AGBL1: variants seen among roughly 807,000 people sequenced by gnomAD.
AGBL1 encodes cytosolic carboxypeptidase 4.
Under a neutral mutation model 118.9 loss-of-function variants are expected in AGBL1, and 130 were observed. The ratio of observed to expected loss-of-function variants is 1.09; its 90% confidence interval spans 0.95 to 1.26. The LOEUF is 1.26. AGBL1 is among the 50% of genes most tolerant of loss of function. The pLI, the probability that AGBL1 is intolerant of heterozygous loss-of-function variation, is 0.00. For synonymous variants in AGBL1, 555 were observed against 478.9 expected, an observed-to-expected ratio of 1.16 and a Z score of -2.08; for missense variants, 1,584 against 1,298.1, an observed-to-expected ratio of 1.22 and a Z score of -3.38.
intron 22 of AGBL1, among the ~76,000 whole-genome samples, chr15:86,678,662 A>G (rs555017191): frequency 6.8e-4 from 104 of 152,100 alleles, no homozygotes; most frequent in African/African-American, 2.3e-3. Context: ...ATGTTTATCA[A>G]TTCTTTTCTT....
At chr15:86,307,019 T>C (rs2079852012) in intron 17 of AGBL1, among the ~76,000 whole-genome samples, 1 of 152,178 alleles carries the variant, frequency 6.6e-6, no homozygotes, top group Non-Finnish European at 1.5e-5. Flanking sequence ...GATCATTCAA[T>C]TTTTTCCTAT....
At chr15:86,293,558 C>T (rs2079583742) in intron 16 of AGBL1, among the ~76,000 whole-genome samples, 1 of 152,118 alleles carries the variant, frequency 6.6e-6, no homozygotes, top group East Asian at 1.9e-4. Flanking sequence ...GACGACCTCC[C>T]CATTTCAAGT....
chr15:86,994,382 A>G (rs2701400), intron 24 of AGBL1, among the ~76,000 whole-genome samples: 116,345 of 151,824 alleles, frequency 0.77, 45,454 homozygotes, highest in South Asian at 0.86. Context: ...AGCCGGGCAC[A>G]GACTGTCCAG....
At chr15:86,505,627 T>A (rs1484825056) in intron 18 of AGBL1, among the ~76,000 whole-genome samples, 1 of 152,034 alleles carries the variant, frequency 6.6e-6, no homozygotes, top group African/African-American at 2.4e-5. Context: ...AAAATTTTTG[T>A]TTTTTAATGA....
At chr15:86,992,667 C>T (rs1421062152) in intron 24 of AGBL1, among the ~76,000 whole-genome samples, 1 of 151,922 alleles carries the variant, frequency 6.6e-6, no homozygotes, top group African/African-American at 2.4e-5. Flanking sequence ...TGCTGTTTCC[C>T]TGGGTCTGAG....
At chr15:86,337,267 T>A (rs2080386123) in intron 17 of AGBL1, among the ~76,000 whole-genome samples, 1 of 152,142 alleles carries the variant, frequency 6.6e-6, no homozygotes, top group South Asian at 2.1e-4. Context: ...ACAAACCTAG[T>A]CACTCATGTT....
chr15:86,213,505 C>T (rs921648283), intron 5 of AGBL1, among the ~76,000 whole-genome samples: 2 of 152,114 alleles, frequency 1.3e-5, no homozygotes, highest in South Asian at 2.1e-4. Context: ...GAGCTTAAAA[C>T]TCTGTGTTTT....
intron 17 of AGBL1, among the ~76,000 whole-genome samples, chr15:86,381,929 G>A (rs938907012): frequency 1.2e-4 from 19 of 152,200 alleles, no homozygotes; most frequent in African/African-American, 3.4e-4. Flanking sequence ...TGAGGCCAAT[G>A]GGGAGCCGCT....
intron 18 of AGBL1, among the ~76,000 whole-genome samples, chr15:86,494,608 C>G (rs193054519): frequency 2.0e-5 from 3 of 152,010 alleles, no homozygotes; most frequent in Non-Finnish European, 4.4e-5. Context: ...TATCACCTAC[C>G]GATCAGGCTC....
chr15:86,772,693 G>A (rs1207755862), intron 22 of AGBL1, among the ~76,000 whole-genome samples: 1 of 151,998 alleles, frequency 6.6e-6, no homozygotes, highest in Non-Finnish European at 1.5e-5. Context: ...TAATCATAAA[G>A]GTAGGAGGAA....
chr15:86,639,508 TG>T (rs923260227), intron 21 of AGBL1, among the ~76,000 whole-genome samples: 4 of 152,290 alleles, frequency 2.6e-5, no homozygotes, highest in African/African-American at 7.2e-5. Context: ...AAAAATACTA[TG>T]GGGGCCATGC....
chr15:86,894,639 T>C (rs1327275745), intron 22 of AGBL1, among the ~76,000 whole-genome samples: 1 of 152,162 alleles, frequency 6.6e-6, no homozygotes, highest in Non-Finnish European at 1.5e-5. Context: ...TTGGTATCTA[T>C]TAAGTATTCC....
intron 22 of AGBL1, among the ~76,000 whole-genome samples, chr15:86,829,788 T>C (rs1210637053): frequency 1.3e-5 from 2 of 152,088 alleles, no homozygotes; most frequent in Admixed American, 6.6e-5. Context: ...AAAATTATAA[T>C]ATTTATTAAA....
At chr15:86,281,479 A>G (rs2079353491) in intron 16 of AGBL1, among the ~76,000 whole-genome samples, 1 of 152,154 alleles carries the variant, frequency 6.6e-6, no homozygotes, top group South Asian at 2.1e-4. Context: ...TGCCTTTCCC[A>G]TTGGGTAAGT....
At chr15:86,096,724 G>T (rs547294112) in intron 1 of AGBL1, among the ~76,000 whole-genome samples, 11 of 152,244 alleles carry the variant, frequency 7.2e-5, no homozygotes, top group Non-Finnish European at 1.0e-4. Context: ...AGAATTCAAT[G>T]CTTCAATTCT....
chr15:86,435,908 T>A (rs2081995037), intron 18 of AGBL1, among the ~76,000 whole-genome samples: 1 of 152,170 alleles, frequency 6.6e-6, no homozygotes, highest in South Asian at 2.1e-4. Flanking sequence ...ATTACCAATA[T>A]ATAGCAACAC....
intron 23 of AGBL1, among the ~76,000 whole-genome samples, chr15:86,936,037 C>G (rs1803338306): frequency 6.6e-6 from 1 of 152,238 alleles, no homozygotes; most frequent in Non-Finnish European, 1.5e-5. Context: ...GCAGAGGCCG[C>G]CACTGAGCAG....
intron 22 of AGBL1, among the ~76,000 whole-genome samples, chr15:86,772,137 A>G (rs1184907133): frequency 6.6e-6 from 1 of 151,998 alleles, no homozygotes; most frequent in Non-Finnish European, 1.5e-5. Flanking sequence ...CTCCTTCAGC[A>G]TCTCCTTGGG....
chr15:86,588,290 A>G (rs1330731582), intron 21 of AGBL1, among the ~76,000 whole-genome samples: 1 of 152,206 alleles, frequency 6.6e-6, no homozygotes, highest in East Asian at 1.9e-4. Context: ...AGCCTTGATC[A>G]CCTACAGGTC....
Sources: gnomAD v4.1 joint callset for allele counts (sites outside exome capture counted in the v4.1 genomes callset) on GRCh38, gnomAD v4.1.1 for gene constraint, MANE v1.5 for transcripts, NCBI Gene and HGNC (gene_info 2026-07-23, HGNC 2026-07-21) for gene names.